Variants in DSCAML1 observed in about 807,000 individuals in gnomAD.
DSCAML1 encodes the protein DS cell adhesion molecule like 1, also known as cell adhesion molecule DSCAML1.
DSCAML1 carries 38 observed loss-of-function variants against 200.5 expected under a neutral mutation model. That is an observed-to-expected ratio of 0.19 (90% CI 0.15 to 0.25). The LOEUF is 0.25. Ranked by LOEUF, DSCAML1 falls within the 10% of genes least tolerant of loss-of-function variation. DSCAML1 has a pLI of 1.00. For synonymous variants in DSCAML1, 1,215 were observed against 1,165.0 expected (o/e 1.04, Z -0.87); for missense variants, 2,223 against 2,858.8 (o/e 0.78, Z 5.07).
In DSCAML1 at chr11:117,489,684, C is replaced by T. The variant is rs1023524567; in HGVS notation, c.2360-7522G>A. The stretch of plus-strand genomic sequence containing the variant: ...CCAGCACCTGCTACAGTGCCTGGCA[C>T]TGTGATGACCAAATTGGGGCATACT... On this transcript the variant is annotated intron_variant, in intron 11 of 32. Transcript: ENST00000651296. This position sits in a 1 kb window ranked among gnomAD's most constrained non-coding sequence, Gnocchi z 4.8. Among the ~76,000 whole-genome samples the T allele has an allele frequency of 5.3e-5, 8 of 152,204 alleles. No individual in the cohort carries two copies. The highest frequency in any genetic ancestry group is 2.1e-4 in the South Asian group (1 of 4,830).
chr11:117,660,232 G>C (rs2052818361), intron 3 of DSCAML1, among the ~76,000 whole-genome samples: 1 of 152,180 alleles, frequency 6.6e-6, no homozygotes, highest in Non-Finnish European at 1.5e-5. Flanking sequence ...AGCTCCAGGT[G>C]GGGAGAAGAA....
In DSCAML1 at chr11:117,512,729, C is replaced by T. The variant is rs185820780; in HGVS notation, c.1783+3738G>A. Among the ~76,000 whole-genome samples the T allele has an allele frequency of 2.6e-4, 38 of 147,560 alleles. 1 individual carries two copies. In the East Asian group the frequency reaches 6.6e-3, roughly 26 times the overall value. On this transcript the variant is annotated intron_variant, in intron 8 of 32. Transcript: ENST00000651296. ...TTATGCTGGGTGCTGGGGACTCACA[C>T]GTGGCCAAGGCATGGGCTCTGTCCT...
intron 3 of DSCAML1, among the ~76,000 whole-genome samples, chr11:117,556,945 C>T (rs934189595): frequency 2.6e-5 from 4 of 152,266 alleles, no homozygotes; most frequent in South Asian, 4.1e-4. Context: ...GCTAGTAAAG[C>T]GGTGGCACAT....
chr11:117,609,002 GCAAACAAA>G (rs71037489), intron 3 of DSCAML1, among the ~76,000 whole-genome samples: 2,235 of 146,782 alleles, frequency 0.015, 45 homozygotes, highest in South Asian at 0.1. Context: ...CCCCATTTCT[GCAAACAAA>G]CAAACAAACA....
intron 1 of DSCAML1, among the ~76,000 whole-genome samples, chr11:117,781,731 G>A (rs1475934067): frequency 1.3e-5 from 2 of 152,228 alleles, no homozygotes; most frequent in South Asian, 2.1e-4. Flanking sequence ...GGAAAATGGA[G>A]GGAGAGGATG....
chr11:117,679,184 A>G (rs968668117), intron 3 of DSCAML1, among the ~76,000 whole-genome samples: 10 of 152,174 alleles, frequency 6.6e-5, no homozygotes, highest in African/African-American at 2.4e-4. Flanking sequence ...GCAGAGGGAG[A>G]GCTGAAAGTG....
In DSCAML1 at chr11:117,776,926, G is replaced by A; in HGVS notation, c.376C>T (p.Pro126Ser). ...NIRVKAVFRE[P>S]YTVRVEDQRS... ...TGATCCTCCACCCGGACGGTGTAGGGTTCCCTGAAAACTGCAGAGAGATTG... is the reference window on the plus strand; with the variant it reads ...TGATCCTCCACCCGGACGGTGTAGGATTCCCTGAAAACTGCAGAGAGATTG... Residue 126 changes from proline (P) to serine (S), a missense_variant, in exon 3 of 33, where the codon CCC becomes TCC. Around this residue, in one of 7 missense-constraint regions of DSCAML1, gnomAD observed 579 missense variants for 721.5 expected, o/e 0.80. Coordinates refer to ENST00000651296, the MANE Select transcript of DSCAML1 (RefSeq NM_020693.4). 1 of 1,613,928 alleles carries A rather than the reference G, an allele frequency of 6.2e-7. No individual in the cohort carries two copies. Among genetic ancestry groups the A allele is most frequent in the East Asian group, 2.2e-5 (1 of 44,884 alleles).
chr11:117,486,455 GTAGCGGATGTGAAAA>G (rs1412161906), intron 11 of DSCAML1, among the ~76,000 whole-genome samples: 1 of 151,842 alleles, frequency 6.6e-6, no homozygotes, highest in East Asian at 1.9e-4. Context: ...AGATATGAAA[GTAGCGGATGTGAAAA>G]TGGTGGATGT....
At chr11:117,577,389 C>T in intron 3 of DSCAML1, among the ~76,000 whole-genome samples, 1 of 69,642 alleles carries the variant, frequency 1.4e-5, no homozygotes, top group South Asian at 4.1e-4. Flanking sequence ...TCCTTCCTTC[C>T]TCCCTCCCTC....
intron 3 of DSCAML1, among the ~76,000 whole-genome samples, chr11:117,617,089 C>T (rs548740672): frequency 6.6e-6 from 1 of 152,326 alleles, no homozygotes; most frequent in South Asian, 2.1e-4. Flanking sequence ...TGAATTCTCA[C>T]AACAGTAGGA....
At position 117,780,710 on chromosome 11, in the gene DSCAML1, G is replaced by T; in HGVS notation, c.147C>A (p.Ala49=). 1.3e-6 allele frequency: 2 copies of T among 1,579,534 alleles called. No individual in the cohort carries two copies. Among genetic ancestry groups the T allele is most frequent in the Non-Finnish European group, 1.7e-6 (2 of 1,161,762 alleles). Residue 49 remains alanine (A), a synonymous_variant, in exon 2 of 33, where the codon GCC becomes GCA. Coordinates refer to ENST00000651296, the MANE Select transcript of DSCAML1 (RefSeq NM_020693.4). This position sits in a 1 kb window ranked among gnomAD's most constrained non-coding sequence, Gnocchi z 4.8. ...GAAGGGCCGCGCTGGGGGAGCCCGC[G>T]GCCGGGCAGGGCACCACCACCCCCA... is the stretch of plus-strand genomic sequence containing the variant. ...SSVGVVVPCP[A]AGSPSAALRW... is the part of the protein sequence containing the mutation.
chr11:117,530,010 C>T (rs1176122640), intron 4 of DSCAML1, among the ~76,000 whole-genome samples: 1 of 152,108 alleles, frequency 6.6e-6, no homozygotes, highest in Non-Finnish European at 1.5e-5. Flanking sequence ...CGCTCGCTTC[C>T]TTTGTCTCTG....
chr11:117,804,143 G>A (rs1005072788), intron 1 of DSCAML1, among the ~76,000 whole-genome samples: 1 of 152,264 alleles, frequency 6.6e-6, no homozygotes, highest in Non-Finnish European at 1.5e-5. Flanking sequence ...CCAAAGCCAC[G>A]GCTCCTGGGG....
chr11:117,467,425 A>G (rs1356380860), intron 16 of DSCAML1, among the ~76,000 whole-genome samples: 1 of 152,232 alleles, frequency 6.6e-6, no homozygotes, highest in Non-Finnish European at 1.5e-5. Context: ...TTTTAAAGAC[A>G]ATGAAGTTAA....
chr11:117,720,661 C>T (rs2054028081), intron 3 of DSCAML1, among the ~76,000 whole-genome samples: 1 of 152,244 alleles, frequency 6.6e-6, no homozygotes, highest in Non-Finnish European at 1.5e-5. Context: ...GGACTTGAGT[C>T]AGCCAGACCT....
chr11:117,467,231 A>T (rs976078612), intron 16 of DSCAML1, among the ~76,000 whole-genome samples: 1 of 118,900 alleles, frequency 8.4e-6, no homozygotes, highest in African/African-American at 3.7e-5. Context: ...ATCCATTCAC[A>T]CCCAGAACCA....
At position 117,780,106 on chromosome 11, in the gene DSCAML1, G is replaced by A. The variant is rs573649706; in HGVS notation, c.364+387C>T. ...CTCACCACTGCACTCCAGTCTGGGC[G>A]ACAGAGTGAGGCTCTGTCTCAAAAA... On this transcript the variant is annotated intron_variant, in intron 2 of 32. Transcript: ENST00000651296. This position sits in a 1 kb window ranked among gnomAD's most constrained non-coding sequence, Gnocchi z 4.8. 2.9e-4 allele frequency among the ~76,000 whole-genome samples: 43 copies of A among 150,394 alleles called. No homozygotes were observed. The highest frequency in any genetic ancestry group is 9.6e-4 in the African/African-American group (39 of 40,708).
At position 117,648,554 on chromosome 11, in the gene DSCAML1, G is replaced by A. The variant is rs143384133; in HGVS notation, c.512-116032C>T. 3.7e-3 allele frequency among the ~76,000 whole-genome samples: 567 copies of A among 152,328 alleles called. 2 individuals are homozygous for A. The highest frequency in any genetic ancestry group is 6.2e-3 in the Non-Finnish European group (423 of 68,032). ...TAAGGGGAAGAGCACAGGCTTTGGG[G>A]TCAGACTGACCTGTGTGTGTGGCTG... On this transcript the variant is annotated intron_variant, in intron 3 of 32. Transcript: ENST00000651296.
At chr11:117,686,695 G>T (rs2053405977) in intron 3 of DSCAML1, among the ~76,000 whole-genome samples, 1 of 152,202 alleles carries the variant, frequency 6.6e-6, no homozygotes, top group African/African-American at 2.4e-5. Context: ...GAATTTTAAG[G>T]AAGAGGCAGG....
Sources: allele counts gnomAD v4.1 joint callset (sites outside exome capture counted in the v4.1 genomes callset), GRCh38; gene constraint gnomAD v4.1.1; regional missense constraint gnomAD v4.1.1; non-coding constraint Gnocchi (gnomAD v3.1); transcripts MANE v1.5; gene names NCBI Gene and HGNC (gene_info 2026-07-23, HGNC 2026-07-21).